VPS50: variants seen among roughly 807,000 people sequenced by gnomAD.
The protein encoded by VPS50 is syndetin.
Under a neutral mutation model 139.7 loss-of-function variants are expected in VPS50, and 70 were observed. The ratio of observed to expected loss-of-function variants is 0.50; its 90% CI spans 0.41 to 0.61. The LOEUF is 0.61. Ranked by LOEUF, VPS50 falls within the 20% of genes least tolerant of loss-of-function variation. The probability of loss-of-function intolerance (pLI) is 0.00; values close to 1 mark genes in which losing one functional copy is unlikely to be tolerated. For synonymous variants in VPS50, 365 were observed against 376.7 expected, an observed-to-expected ratio of 0.97 and a Z score of 0.36; for missense variants, 921 against 1,133.7, an observed-to-expected ratio of 0.81 and a Z score of 2.69.
intron 4 of VPS50, among the ~76,000 whole-genome samples, chr7:93,254,949 G>A (rs1795444294): frequency 6.6e-6 from 1 of 152,126 alleles, no homozygotes; most frequent in Non-Finnish European, 1.5e-5. Context: ...CTCAGTGGGT[G>A]CTAGGGTCTG....
intron 20 of VPS50, among the ~76,000 whole-genome samples, chr7:93,313,430 T>G (rs1331417663): frequency 6.6e-6 from 1 of 152,182 alleles, no homozygotes; most frequent in Non-Finnish European, 1.5e-5. Context: ...CATATTTTCA[T>G]TATAATCAAA....
intron 21 of VPS50, among the ~76,000 whole-genome samples, chr7:93,331,888 C>T (rs985703640): frequency 1.9e-4 from 29 of 152,104 alleles, no homozygotes; most frequent in Admixed American, 1.3e-3. Flanking sequence ...AAACAACCCA[C>T]GTAAAAAATG....
At chr7:93,256,363 G>A in intron 4 of VPS50, 146 bp from the exon 5 acceptor site, 1 of 468,300 alleles carries the variant, frequency 2.1e-6, no homozygotes, top group Admixed American at 4.4e-5. Context: ...CCAGGGAAAT[G>A]TGTATGGCCA....
Position 93,296,767 on chromosome 7 carries a change from A to G in VPS50, c.1193A>G (p.Tyr398Cys), listed in dbSNP as rs753322419. Reference protein sequence around the residue: ...WQDVQLKVKTYLLGTDLSIFK... With the variant: ...WQDVQLKVKTCLLGTDLSIFK... ...GATGTTCAGCTAAAAGTAAAAACCT[A>G]CTTGCTTGGAACTGATTTGTCTATA... The change falls in exon 15 of 28, where the codon TAC becomes TGC. Residue 398 changes from tyrosine to cysteine, a missense_variant. Physicochemically the swap from Tyr to Cys is radical, Grantham distance 194 (BLOSUM62 -2). Coordinates refer to ENST00000305866, the MANE Select transcript of VPS50 (RefSeq NM_017667.4). 2 of 1,604,278 alleles carry G rather than the reference A, an allele frequency of 1.2e-6. No homozygotes were observed. The highest frequency in any genetic ancestry group is 1.1e-5 in the South Asian group (1 of 89,562).
chr7:93,338,634 A>G (rs765081853), intron 22 of VPS50, among the ~76,000 whole-genome samples: 3 of 152,192 alleles, frequency 2.0e-5, no homozygotes, highest in Non-Finnish European at 4.4e-5. Flanking sequence ...AGTAGGGGGA[A>G]GATATTTTGG....
chr7:93,358,326 A>G lies in VPS50; in HGVS notation c.2785A>G (p.Thr929Ala), dbSNP rs533156701. The G allele has an allele frequency of 9.9e-6, 16 of 1,612,892 alleles. No individual in the cohort carries two copies. The highest frequency in any genetic ancestry group is 4.0e-5 in the African/African-American group (3 of 75,002). Residue 929 changes from threonine to alanine, a missense_variant, in exon 28 of 28, where the codon ACG becomes GCG. By Grantham distance (58) the Thr-to-Ala change is moderately conservative (BLOSUM62 0). Coordinates refer to ENST00000305866, the MANE Select transcript of VPS50 (RefSeq NM_017667.4). ...RWIKEHREYS[T>A]KQLTNLVNVC... ...TTTCTTCTTTGAGCAGGAATATTCA[A>G]CGAAGCAGCTGACCAATCTGGTGAA...
At chr7:93,335,592 TTTTTG>T (rs1272599292) in intron 22 of VPS50, among the ~76,000 whole-genome samples, 3 of 152,150 alleles carry the variant, frequency 2.0e-5, no homozygotes, top group African/African-American at 7.2e-5. Flanking sequence ...TTTCTTTTCT[TTTTTG>T]TTTTTAGTCT....
Position 93,349,939 on chromosome 7 carries a change from A to C in VPS50, c.2369A>C (p.Asp790Ala). The C allele has an allele frequency of 1.2e-6, 2 of 1,613,418 alleles. No homozygotes were observed. Among genetic ancestry groups the C allele is most frequent in the Non-Finnish European group, 1.7e-6 (2 of 1,179,412 alleles). The change falls in exon 25 of 28, where the codon GAT (aspartate) becomes GCT (alanine). Residue 790 changes from aspartate (D) to alanine (A), a missense_variant. Coordinates refer to ENST00000305866, the MANE Select transcript of VPS50 (RefSeq NM_017667.4). ...TGGATTGTAGCTGGTAAAGCCCTTG[A>C]TTATGAACAGATGCTGCTTCTCATG... ...IYWIVAGKALDYEQMLLLMAN... is the reference protein window; with the variant it reads ...IYWIVAGKALAYEQMLLLMAN...
intron 16 of VPS50, among the ~76,000 whole-genome samples, chr7:93,298,110 T>G (rs1796864788): frequency 6.6e-6 from 1 of 152,172 alleles, no homozygotes; most frequent in African/African-American, 2.4e-5. Context: ...ATTGATTAAT[T>G]AATTATTATA....
intron 20 of VPS50, among the ~76,000 whole-genome samples, chr7:93,313,760 TTAAAG>T (rs56966603): frequency 1 from 151,642 of 152,146 alleles, 75,569 homozygotes; most frequent in Middle Eastern, 1. Context: ...TCAAGACCCT[TTAAAG>T]TAAAGTAAAG....
Position 93,308,115 on chromosome 7 carries a change from AATAGATG to A in VPS50, c.1630-706_1630-700del, listed in dbSNP as rs1438718396. Among the ~76,000 whole-genome samples the A allele has an allele frequency of 2.3e-3, 304 of 132,478 alleles. 1 individual carries two copies. Among genetic ancestry groups the A allele is most frequent in the African/African-American group, 0.011 (291 of 26,448 alleles). The allele number at this position is 132,478 out of a possible 152,430, so 86.9% of individuals were successfully genotyped here. On this transcript the variant is annotated intron_variant, in intron 18 of 27. Coordinates refer to ENST00000305866, the MANE Select transcript of VPS50 (RefSeq NM_017667.4). ...TTTAATCGTATTAATCTATGACATT[AATAGATG>A]ATGATGATGATGATGATGATGATGA... is the stretch of plus-strand genomic sequence containing the variant.
chr7:93,319,416 A>G (rs1177265147), intron 20 of VPS50, among the ~76,000 whole-genome samples: 2 of 152,022 alleles, frequency 1.3e-5, no homozygotes, highest in African/African-American at 4.8e-5. Context: ...GTTATTTCCC[A>G]GAAAAGGCTG....
At chr7:93,313,970 G>A (rs1584459155) in intron 20 of VPS50, among the ~76,000 whole-genome samples, 1 of 152,258 alleles carries the variant, frequency 6.6e-6, no homozygotes, top group Middle Eastern at 3.4e-3. Flanking sequence ...GGGATCCCCA[G>A]TAGACTTTTA....
intron 21 of VPS50, among the ~76,000 whole-genome samples, chr7:93,327,499 G>A (rs2117031752): frequency 6.6e-6 from 1 of 152,196 alleles, no homozygotes; most frequent in South Asian, 2.1e-4. Flanking sequence ...ATTTAGCAAA[G>A]TATAGTTAGG....
intron 2 of VPS50, among the ~76,000 whole-genome samples, chr7:93,244,023 A>C (rs1398792915): frequency 6.6e-6 from 1 of 151,902 alleles, no homozygotes; most frequent in African/African-American, 2.4e-5. Flanking sequence ...ACTCATAAAT[A>C]GTAATGGGAT....
At chr7:93,325,998 G>A (rs932794840) in intron 21 of VPS50, among the ~76,000 whole-genome samples, 62 of 151,812 alleles carry the variant, frequency 4.1e-4, no homozygotes, top group African/African-American at 1.4e-3. Context: ...ACATGCACAC[G>A]TATGTTTATT....
intron 26 of VPS50, among the ~76,000 whole-genome samples, chr7:93,355,115 T>C (rs1364023219): frequency 1.5e-5 from 2 of 135,772 alleles, no homozygotes; most frequent in Non-Finnish European, 3.2e-5. Flanking sequence ...AAAATACTCT[T>C]TTTTAAAAAA....
At chr7:93,243,399 T>A (rs1795053301) in intron 2 of VPS50, among the ~76,000 whole-genome samples, 1 of 151,920 alleles carries the variant, frequency 6.6e-6, no homozygotes, top group Non-Finnish European at 1.5e-5. Flanking sequence ...GATTCCCTGG[T>A]AATTCCAGTG....
intron 20 of VPS50, 81 bp from the exon 21 acceptor site, chr7:93,323,530 A>G (rs190068097): frequency 1.1e-3 from 488 of 437,978 alleles, no homozygotes; most frequent in Non-Finnish European, 1.4e-3. Context: ...TTAGTATAAT[A>G]ATTTTATTTT....
Sources: allele counts gnomAD v4.1 joint callset (sites outside exome capture counted in the v4.1 genomes callset), GRCh38; gene constraint gnomAD v4.1.1; transcripts MANE v1.5; gene names NCBI Gene and HGNC (gene_info 2026-07-23, HGNC 2026-07-21).